The following RLF variants were observed in gnomAD, a reference collection of about 807,000 sequenced individuals.
RLF encodes the protein zinc finger protein Rlf.
RLF carries 7 observed loss-of-function variants against 162.9 expected under a neutral mutation model. That is an observed-to-expected ratio of 0.04 (90% CI 0.02 to 0.08). RLF has a LOEUF of 0.08. RLF is among the 10% of genes least tolerant of loss of function. The pLI, the probability that RLF is intolerant of heterozygous loss-of-function variation, is 1.00. For synonymous variants in RLF, 782 were observed against 791.5 expected, an observed-to-expected ratio of 0.99 and a Z score of 0.20; for missense variants, 1,664 against 2,244.7, an observed-to-expected ratio of 0.74 and a Z score of 5.23.
chr1:40,235,696 C>T, intron 7 of RLF, 96 bp from the exon 8 acceptor site: 1 of 877,832 alleles, frequency 1.1e-6, no homozygotes, highest in Non-Finnish European at 1.7e-6. Context: ...TTTAGGAACT[C>T]TAAAAGTTTT....
intron 6 of RLF, among the ~76,000 whole-genome samples, chr1:40,226,487 A>G (rs1257621340): frequency 2.0e-5 from 3 of 152,272 alleles, no homozygotes; most frequent in South Asian, 2.1e-4. Context: ...TGTGTTACAC[A>G]TTTGTATTTC....
intron 1 of RLF, among the ~76,000 whole-genome samples, chr1:40,184,624 C>A (rs1642447738): frequency 6.6e-6 from 1 of 152,100 alleles, no homozygotes. Flanking sequence ...ATAGCAAGGA[C>A]TTGAGAGAGT....
chr1:40,229,448 C>CTTTTTT (rs1005418216), intron 6 of RLF, among the ~76,000 whole-genome samples: 177 of 90,958 alleles, frequency 1.9e-3, no homozygotes, highest in Non-Finnish European at 2.4e-3. Flanking sequence ...ATTCATTTAT[C>CTTTTTT]TTTTTTTTTT....
At chr1:40,164,599 T>C (rs766514753) in intron 1 of RLF, among the ~76,000 whole-genome samples, 7 of 152,264 alleles carry the variant, frequency 4.6e-5, no homozygotes, top group Non-Finnish European at 8.8e-5. Context: ...AGATTAACTT[T>C]AGAAAACAGT....
chr1:40,240,736 A>G lies in RLF; in HGVS notation c.*289A>G, dbSNP rs1371718072. 6.1e-6 allele frequency: 2 copies of G among 328,966 alleles called. No homozygotes were observed. Among genetic ancestry groups the G allele is most frequent in the Non-Finnish European group, 1.1e-5 (2 of 176,196 alleles). 20.4% of individuals were successfully genotyped at this position (328,966 alleles called of 1,614,324 possible). ...AAATATACTGGGGCTTCCTTTTTCA[A>G]ATTAAGTGTGCATGATTGTATATGG... On this transcript the variant is annotated 3_prime_UTR_variant, in exon 8 of 8. Coordinates refer to ENST00000372771, the MANE Select transcript of RLF (RefSeq NM_012421.4).
At chr1:40,214,386 G>A (rs1642898004) in intron 5 of RLF, among the ~76,000 whole-genome samples, 1 of 152,122 alleles carries the variant, frequency 6.6e-6, no homozygotes, top group Non-Finnish European at 1.5e-5. Context: ...TTTTACTCAA[G>A]AAAAAGAAAT....
chr1:40,185,782 C>A (rs796392987), intron 1 of RLF, among the ~76,000 whole-genome samples: 1 of 120,832 alleles, frequency 8.3e-6, no homozygotes, highest in Non-Finnish European at 1.6e-5. Context: ...GAGCCAAGAT[C>A]GTGCCACTGC....
intron 5 of RLF, among the ~76,000 whole-genome samples, chr1:40,212,974 A>C (rs925395413): frequency 6.6e-6 from 1 of 152,222 alleles, no homozygotes; most frequent in Non-Finnish European, 1.5e-5. Flanking sequence ...AATTAAGTTT[A>C]AAATATGCCA....
intron 3 of RLF, among the ~76,000 whole-genome samples, chr1:40,193,924 A>G (rs1324091724): frequency 6.6e-6 from 1 of 152,206 alleles, no homozygotes; most frequent in African/African-American, 2.4e-5. Context: ...ATGTTGACGT[A>G]AATGGAAGCT....
chr1:40,163,741 C>T (rs1224592249), intron 1 of RLF, among the ~76,000 whole-genome samples: 1 of 152,176 alleles, frequency 6.6e-6, no homozygotes, highest in East Asian at 1.9e-4. Flanking sequence ...GACTTTACCA[C>T]TGCTTAGCTA....
chr1:40,191,847 G>A (rs1367158560), intron 3 of RLF, among the ~76,000 whole-genome samples: 2 of 152,190 alleles, frequency 1.3e-5, no homozygotes, highest in African/African-American at 4.8e-5. Flanking sequence ...ACCTTATAGT[G>A]TGAGAATTAT....
chr1:40,171,954 G>A (rs1321256052), intron 1 of RLF, among the ~76,000 whole-genome samples: 7 of 152,036 alleles, frequency 4.6e-5, no homozygotes, highest in African/African-American at 1.7e-4. Flanking sequence ...TGTATGATGT[G>A]TACATATATA....
At chr1:40,186,149 C>A (rs969323317) in intron 1 of RLF, among the ~76,000 whole-genome samples, 1 of 151,682 alleles carries the variant, frequency 6.6e-6, no homozygotes, top group African/African-American at 2.4e-5. Flanking sequence ...CAGAGTGAGA[C>A]TTGATTAAAA....
At chr1:40,224,543 G>A (rs558815456) in intron 6 of RLF, among the ~76,000 whole-genome samples, 169 of 130,290 alleles carry the variant, frequency 1.3e-3, no homozygotes, top group Non-Finnish European at 2.1e-3. Context: ...CAAAGTGCTA[G>A]GGTTACAGAC....
chr1:40,179,739 A>T (rs926955581), intron 1 of RLF, among the ~76,000 whole-genome samples: 1 of 152,118 alleles, frequency 6.6e-6, no homozygotes, highest in Non-Finnish European at 1.5e-5. Flanking sequence ...CCCATTAAAT[A>T]CTAACTCCCC....
intron 1 of RLF, among the ~76,000 whole-genome samples, chr1:40,172,392 C>T (rs1642257702): frequency 6.6e-6 from 1 of 152,162 alleles, no homozygotes; most frequent in African/African-American, 2.4e-5. Flanking sequence ...ATAATTTAAA[C>T]ATTTGTGTTA....
chr1:40,188,062 T>C lies in RLF; in HGVS notation c.238-993T>C, dbSNP rs183832843. 9.1e-4 allele frequency among the ~76,000 whole-genome samples: 138 copies of C among 152,340 alleles called. 2 individuals are homozygous for C. The East Asian group carries it at 0.017, about 18-fold the overall frequency. On this transcript the variant is annotated intron_variant, in intron 1 of 7. Transcript: ENST00000372771. ...GTATTCCAGGGAGAAGGCTGTATCC[T>C]GCTTATGTTAGACTGTACTACATAC... is the stretch of plus-strand genomic sequence containing the variant.
At chr1:40,162,050 G>A (rs1272518328) in intron 1 of RLF, among the ~76,000 whole-genome samples, 2 of 152,198 alleles carry the variant, frequency 1.3e-5, no homozygotes, top group Non-Finnish European at 2.9e-5. Flanking sequence ...AATCCAGAGA[G>A]GTGTGTTGGG....
intron 1 of RLF, among the ~76,000 whole-genome samples, chr1:40,185,656 CAAAAAAAAAA>C (rs1163398364): frequency 7.7e-5 from 3 of 38,752 alleles, no homozygotes; most frequent in East Asian, 8.8e-4. Context: ...ACTAAAAATA[CAAAAAAAAAA>C]AAAAAAAAAA....
Sources: allele counts gnomAD v4.1 joint callset (sites outside exome capture counted in the v4.1 genomes callset), GRCh38; gene constraint gnomAD v4.1.1; transcripts MANE v1.5; gene names NCBI Gene and HGNC (gene_info 2026-07-23, HGNC 2026-07-21).